MYOF: variants seen among roughly 807,000 people sequenced by gnomAD.
MYOF encodes fer-1-like 3, myoferlin.
MYOF carries 244 observed loss-of-function variants against 284.2 expected under a neutral mutation model. The observed-to-expected ratio is 0.86, with a 90% CI of 0.77 to 0.95. The LOEUF is 0.95. Among genes scored for constraint, MYOF ranks in the 40% least tolerant of loss-of-function variants. The pLI is 0.00. For synonymous variants in MYOF, 904 were observed against 919.7 expected (o/e 0.98, Z 0.31); for missense variants, 2,496 against 2,560.6 (o/e 0.97, Z 0.54).
At chr10:93,347,527 C>G (rs927801695) in intron 37 of MYOF, 90 bp downstream of exon 37, 14 of 1,206,630 alleles carry the variant, frequency 1.2e-5, no homozygotes, top group Non-Finnish European at 1.5e-5. Flanking sequence ...AGTCCGCAGT[C>G]CGGCCTGGGC....
At chr10:93,479,826 C>G (rs1346863647) in intron 1 of MYOF, among the ~76,000 whole-genome samples, 1 of 152,060 alleles carries the variant, frequency 6.6e-6, no homozygotes, top group South Asian at 2.1e-4. Flanking sequence ...AAAAAGGAGG[C>G]CAGAAAAGAG....
intron 3 of MYOF, among the ~76,000 whole-genome samples, chr10:93,448,737 G>A (rs1183698561): frequency 6.6e-6 from 1 of 152,214 alleles, no homozygotes; most frequent in Non-Finnish European, 1.5e-5. Flanking sequence ...GCTCACGCCT[G>A]TAATCCCAGC....
intron 5 of MYOF, among the ~76,000 whole-genome samples, chr10:93,411,206 A>G (rs1160915925): frequency 2.0e-5 from 3 of 152,178 alleles, no homozygotes; most frequent in African/African-American, 7.2e-5. Flanking sequence ...AAAATACCAC[A>G]ACCTGGGTGG....
At chr10:93,309,825 T>C (rs1842303482) in intron 53 of MYOF, among the ~76,000 whole-genome samples, 195 bp downstream of exon 53, 1 of 152,212 alleles carries the variant, frequency 6.6e-6, no homozygotes, top group East Asian at 1.9e-4. Flanking sequence ...GTTCTGCCCG[T>C]AATTTGTGAA....
At chr10:93,396,391 T>C (rs2134065488) in intron 15 of MYOF, among the ~76,000 whole-genome samples, 167 bp from the exon 16 acceptor site, 1 of 152,296 alleles carries the variant, frequency 6.6e-6, no homozygotes, top group Middle Eastern at 3.4e-3. Flanking sequence ...TACTTAGTAA[T>C]CAACTAGAGA....
At chr10:93,326,007 G>C (rs371246922) in intron 45 of MYOF, 42 bp from the exon 46 acceptor site, 41 of 1,612,758 alleles carry the variant, frequency 2.5e-5, no homozygotes, top group Middle Eastern at 1.7e-4. Flanking sequence ...GAGTATTTGG[G>C]AATAGTTCAG....
At chr10:93,333,530 C>A (rs1263650122) in intron 42 of MYOF, among the ~76,000 whole-genome samples, 2 of 151,736 alleles carry the variant, frequency 1.3e-5, no homozygotes, top group Non-Finnish European at 1.5e-5. Flanking sequence ...GGGGGGGAGT[C>A]CTGGCTCACA....
At chr10:93,360,303 C>G (rs7094945) in intron 28 of MYOF, among the ~76,000 whole-genome samples, 69 of 152,168 alleles carry the variant, frequency 4.5e-4, no homozygotes, top group Middle Eastern at 3.4e-3. Context: ...GTGGACTGTG[C>G]GGTTGCACAG....
Position 93,387,784 on chromosome 10 carries a change from CTT to C in MYOF, c.1698+11_1698+12del. On this transcript the variant is annotated intron_variant, in intron 19 of 53. Coordinates refer to ENST00000359263, the MANE Select transcript of MYOF (RefSeq NM_013451.4). Reference sequence around the variant, plus strand: ...TTTTCTATACCATGCATTACTCACACTTTAACATTTACCTCAACAACCAGCAG... The same window carrying C: ...TTTTCTATACCATGCATTACTCACACTAACATTTACCTCAACAACCAGCAG... 6.2e-7 allele frequency: 1 copy of C among 1,608,320 alleles called. No individual in the cohort carries two copies. Among genetic ancestry groups the C allele is most frequent in the Non-Finnish European group, 8.5e-7 (1 of 1,174,736 alleles).
chr10:93,364,393 G>A (rs1324196279), intron 26 of MYOF, among the ~76,000 whole-genome samples: 5 of 152,184 alleles, frequency 3.3e-5, no homozygotes, highest in Non-Finnish European at 7.3e-5. Flanking sequence ...CACAGACAAC[G>A]CCTTCCATGT....
chr10:93,310,675 ACAT>A, intron 51 of MYOF, 32 bp from the exon 52 acceptor site: 1 of 1,579,064 alleles, frequency 6.3e-7, no homozygotes, highest in Non-Finnish European at 8.7e-7. Context: ...TAAACATATG[ACAT>A]CATGTTTCAC....
intron 28 of MYOF, among the ~76,000 whole-genome samples, chr10:93,360,634 T>C (rs1327620128): frequency 6.6e-6 from 1 of 152,268 alleles, no homozygotes; most frequent in African/African-American, 2.4e-5. Context: ...AATCAGATTT[T>C]CTCTTTTGAG....
intron 25 of MYOF, 125 bp downstream of exon 25, chr10:93,369,520 A>G (rs944083121): frequency 2.9e-6 from 4 of 1,372,308 alleles, no homozygotes; most frequent in Non-Finnish European, 3.0e-6. Flanking sequence ...CTTCGATGGG[A>G]TTTTAGGGGA....
intron 38 of MYOF, 133 bp downstream of exon 38, chr10:93,343,723 A>C (rs1589419107): frequency 1.2e-6 from 1 of 862,134 alleles, no homozygotes; most frequent in Non-Finnish European, 1.9e-6. Flanking sequence ...GTCTGTACTC[A>C]GTCCTCAATA....
chr10:93,312,901 A>G, intron 51 of MYOF, 119 bp downstream of exon 51: 1 of 1,084,296 alleles, frequency 9.2e-7, no homozygotes, highest in Non-Finnish European at 1.3e-6. Flanking sequence ...CCCATAACTT[A>G]AACTCCCACC....
intron 3 of MYOF, among the ~76,000 whole-genome samples, chr10:93,444,993 C>T (rs2056387625): frequency 6.6e-6 from 1 of 152,140 alleles, no homozygotes; most frequent in Admixed American, 6.5e-5. Context: ...AGAATATAGG[C>T]ATAAGTGACT....
At chr10:93,372,447 C>A (rs1279796173) in intron 24 of MYOF, among the ~76,000 whole-genome samples, 1 of 152,120 alleles carries the variant, frequency 6.6e-6, no homozygotes, top group African/African-American at 2.4e-5. Flanking sequence ...GTCTATGACT[C>A]TAAAAGTATT....
At chr10:93,445,606 AC>A (rs1425210877) in intron 3 of MYOF, among the ~76,000 whole-genome samples, 20 of 152,274 alleles carry the variant, frequency 1.3e-4, no homozygotes, top group Admixed American at 1.3e-3. Context: ...GAACAAGGCA[AC>A]CCGCTCCCAG....
intron 24 of MYOF, among the ~76,000 whole-genome samples, chr10:93,371,789 G>A (rs1212930645): frequency 6.6e-6 from 1 of 151,856 alleles, no homozygotes; most frequent in African/African-American, 2.4e-5. Flanking sequence ...GAGTTAAACA[G>A]CTCCCTAAAC....
Sources: allele counts gnomAD v4.1 joint callset (sites outside exome capture counted in the v4.1 genomes callset), GRCh38; gene constraint gnomAD v4.1.1; transcripts MANE v1.5; gene names NCBI Gene and HGNC (gene_info 2026-07-23, HGNC 2026-07-21).